Variants in RBPJ observed in about 807,000 individuals in gnomAD.
RBPJ encodes recombination signal binding protein for immunoglobulin kappa J region.
Under a neutral mutation model 67.8 loss-of-function variants are expected in RBPJ, and 9 were observed. The ratio of observed to expected loss-of-function variants is 0.13; its 90% CI spans 0.08 to 0.23. The LOEUF is 0.23. Among genes scored for constraint, RBPJ ranks in the 10% least tolerant of loss-of-function variants. The pLI is 1.00. For missense variants in RBPJ, 305 were observed against 595.6 expected (o/e 0.51, Z 5.08); for synonymous variants, 198 against 203.3 (o/e 0.97, Z 0.22).
At chr4:26,356,784 T>G (rs1238648992) in intron 1 of RBPJ, among the ~76,000 whole-genome samples, 1 of 152,214 alleles carries the variant, frequency 6.6e-6, no homozygotes, top group African/African-American at 2.4e-5. Flanking sequence ...TCCTGTATGT[T>G]TGAGTATTTT....
the RBPJ span, among the ~76,000 whole-genome samples, chr4:26,153,750 G>A: frequency 6.6e-6 from 1 of 152,166 alleles, no homozygotes; most frequent in African/African-American, 2.4e-5. Context: ...TTTTTCTGCA[G>A]TGTTAACATC....
chr4:26,325,068 G>A (rs919198498), intron 1 of RBPJ, among the ~76,000 whole-genome samples: 3 of 152,162 alleles, frequency 2.0e-5, no homozygotes, highest in African/African-American at 7.2e-5. Flanking sequence ...AATGAAACCT[G>A]TTGCTTCTCT....
intron 1 of RBPJ, among the ~76,000 whole-genome samples, chr4:26,244,131 G>GTATA (rs148833802): frequency 7.0e-6 from 1 of 142,406 alleles, no homozygotes; most frequent in African/African-American, 2.6e-5. Context: ...ACTTTAAAAT[G>GTATA]TATATATATA....
chr4:26,135,870 A>C, the RBPJ span, among the ~76,000 whole-genome samples: 2 of 152,132 alleles, frequency 1.3e-5, no homozygotes, highest in Admixed American at 1.3e-4. Flanking sequence ...CTTGAAGAAG[A>C]AGCTCAGAGA....
chr4:26,204,952 A>T (rs1227000483), intron 1 of RBPJ, among the ~76,000 whole-genome samples: 1 of 152,162 alleles, frequency 6.6e-6, no homozygotes, highest in African/African-American at 2.4e-5. Flanking sequence ...AACTGTGAGA[A>T]TCTGGCAAGT....
At position 26,302,202 on chromosome 4, in the gene RBPJ, A is replaced by G. The variant is rs760485704; in HGVS notation, c.-166-60244A>G. ...CACACTTCCTGATGGAACCTTAGCC[A>G]TTGGAGCTGTCAAGGAGTTACCTCA... On this transcript the variant is annotated intron_variant, in intron 1 of 4. Coordinates refer to the RBPJ transcript ENST00000512351. 3.3e-5 allele frequency among the ~76,000 whole-genome samples: 5 copies of G among 152,336 alleles called. No individual in the cohort carries two copies. The South Asian group carries it at 8.3e-4, about 25-fold the overall frequency.
chr4:26,365,376 T>C (rs1236471143), intron 1 of RBPJ, among the ~76,000 whole-genome samples: 1 of 152,216 alleles, frequency 6.6e-6, no homozygotes, highest in Non-Finnish European at 1.5e-5. Flanking sequence ...TCCATGATCA[T>C]CTTATCCTGC....
At chr4:26,148,246 T>C in the RBPJ span, among the ~76,000 whole-genome samples, 1 of 64,514 alleles carries the variant, frequency 1.6e-5, no homozygotes, top group African/African-American at 5.1e-5. Flanking sequence ...GATGAACTAC[T>C]TAAGGAAATT....
At chr4:26,402,313 T>C (rs1405115653) in intron 2 of RBPJ, among the ~76,000 whole-genome samples, 1 of 152,120 alleles carries the variant, frequency 6.6e-6, no homozygotes, top group Non-Finnish European at 1.5e-5. Flanking sequence ...GGTCTCCCTA[T>C]TCCCTCCCTT....
intron 1 of RBPJ, among the ~76,000 whole-genome samples, chr4:26,254,859 T>TTC (rs2109241285): frequency 9.4e-6 from 1 of 106,232 alleles, no homozygotes; most frequent in Admixed American, 9.4e-5. Flanking sequence ...TTTTTTTTTT[T>TTC]TTTTTTTTTT....
chr4:26,427,820 T>C (rs748347583), intron 7 of RBPJ, among the ~76,000 whole-genome samples: 12 of 152,130 alleles, frequency 7.9e-5, no homozygotes, highest in Non-Finnish European at 1.3e-4. Flanking sequence ...TGAGAGATAG[T>C]TATGTTTGTA....
At chr4:26,329,994 G>A (rs73113385) in intron 1 of RBPJ, among the ~76,000 whole-genome samples, 2,640 of 152,272 alleles carry the variant, frequency 0.017, 85 homozygotes, top group African/African-American at 0.06. Context: ...AATTTAAAGG[G>A]TAAGATGGGA....
chr4:26,359,658 T>TCTCCCACCCCGCCA (rs1429180040), intron 1 of RBPJ: 1 of 151,888 alleles, frequency 6.6e-6, no homozygotes, highest in Admixed American at 6.6e-5. Flanking sequence ...TCCCGAGTGC[T>TCTCCCACCCCGCCA]CTCCCACCCC....
intron 1 of RBPJ, among the ~76,000 whole-genome samples, chr4:26,335,617 CTTTTTTTTTTT>C (rs34386877): frequency 3.7e-5 from 4 of 107,838 alleles, no homozygotes; most frequent in Non-Finnish European, 5.7e-5. Context: ...ATGCTTACTT[CTTTTTTTTTTT>C]TTTTTTTTTG....
At chr4:26,308,753 A>C (rs1722329361) in intron 1 of RBPJ, among the ~76,000 whole-genome samples, 1 of 152,208 alleles carries the variant, frequency 6.6e-6, no homozygotes, top group Non-Finnish European at 1.5e-5. Context: ...TTATACCTAC[A>C]AGTTGATGCT....
intron 1 of RBPJ, among the ~76,000 whole-genome samples, chr4:26,291,100 A>G (rs1373231706): frequency 6.6e-6 from 1 of 150,954 alleles, no homozygotes; most frequent in Non-Finnish European, 1.5e-5. Context: ...GAAAGACAAA[A>G]TTAATGTGCA....
At chr4:26,223,483 G>A (rs568901186) in intron 1 of RBPJ, among the ~76,000 whole-genome samples, 8 of 152,316 alleles carry the variant, frequency 5.3e-5, no homozygotes, top group African/African-American at 1.9e-4. Flanking sequence ...GTCTTGAAAA[G>A]TAAAAAGTAG....
At chr4:26,266,429 T>C (rs148107736) in intron 1 of RBPJ, among the ~76,000 whole-genome samples, 2 of 152,314 alleles carry the variant, frequency 1.3e-5, no homozygotes, top group African/African-American at 2.4e-5. Context: ...TAGACTGTTA[T>C]GGAGAAATAG....
the RBPJ span, among the ~76,000 whole-genome samples, chr4:26,135,820 G>A: frequency 6.6e-6 from 1 of 152,162 alleles, no homozygotes; most frequent in African/African-American, 2.4e-5. Context: ...GAGCTGAAGA[G>A]GTCAACCCCA....
Sources: allele counts gnomAD v4.1 joint callset (sites outside exome capture counted in the v4.1 genomes callset), GRCh38; gene constraint gnomAD v4.1.1; transcripts MANE v1.5; gene names NCBI Gene and HGNC (gene_info 2026-07-23, HGNC 2026-07-21).